Variants in GRIA2 observed in about 807,000 individuals in gnomAD.
The protein encoded by GRIA2 is glutamate receptor 2.
GRIA2 carries 14 observed loss-of-function variants against 97.3 expected under a neutral mutation model. The observed-to-expected ratio is 0.14, with a 90% CI of 0.10 to 0.23. The LOEUF is 0.23. GRIA2 is among the 10% of genes least tolerant of loss of function. The pLI is 1.00. For synonymous variants in GRIA2, 412 were observed against 387.8 expected, an observed-to-expected ratio of 1.06 and a Z score of -0.73; for missense variants, 558 against 1,069.8, an observed-to-expected ratio of 0.52 and a Z score of 6.67.
At chr4:157,279,189 AC>A (rs965058605) in intron 2 of GRIA2, among the ~76,000 whole-genome samples, 134 of 152,284 alleles carry the variant, frequency 8.8e-4, no homozygotes, top group African/African-American at 3.2e-3. Context: ...AATTGCCAAA[AC>A]TTGGAAACAA....
At chr4:157,291,337 T>TTA (rs1329411994) in intron 2 of GRIA2, among the ~76,000 whole-genome samples, 2 of 151,996 alleles carry the variant, frequency 1.3e-5, no homozygotes, top group African/African-American at 4.8e-5. Flanking sequence ...TTATTTGCCT[T>TTA]GTTGCAGCTA....
At chr4:157,302,460 T>A (rs988050141) in intron 2 of GRIA2, among the ~76,000 whole-genome samples, 2 of 152,176 alleles carry the variant, frequency 1.3e-5, no homozygotes, top group Non-Finnish European at 1.5e-5. Flanking sequence ...AGAGCATGGA[T>A]TCTGAATCCA....
chr4:157,327,433 C>A (rs1734852498), intron 6 of GRIA2, among the ~76,000 whole-genome samples: 1 of 152,034 alleles, frequency 6.6e-6, no homozygotes, highest in Admixed American at 6.6e-5. Flanking sequence ...GTTATCTGAC[C>A]TGACCCATCA....
Position 157,365,089 on chromosome 4 carries a change from T to G in GRIA2, c.*1658T>G, listed in dbSNP as rs951713994. On this transcript the variant is annotated 3_prime_UTR_variant, in exon 16 of 16. Transcript: ENST00000264426. ...TGTTATTTCTGGAAGAAAGCCTTTG[T>G]GTAGCACTTGGTATTTTGCAAAGTG... is the stretch of plus-strand genomic sequence containing the variant. 1 of 151,752 alleles carries G rather than the reference T, an allele frequency of 6.6e-6. No homozygotes were observed. The highest frequency in any genetic ancestry group is 2.4e-5 in the African/African-American group (1 of 41,428). The allele number at this position is 151,752 out of a possible 1,614,324, so 9.4% of individuals were successfully genotyped here.
chr4:157,290,049 A>G (rs1733023656), intron 2 of GRIA2, among the ~76,000 whole-genome samples: 1 of 151,848 alleles, frequency 6.6e-6, no homozygotes, highest in African/African-American at 2.4e-5. Flanking sequence ...TATAGATGTA[A>G]GACCTTACAT....
At chr4:157,273,630 G>C (rs1275605262) in intron 2 of GRIA2, among the ~76,000 whole-genome samples, 2 of 151,918 alleles carry the variant, frequency 1.3e-5, no homozygotes, top group African/African-American at 2.4e-5. Context: ...GAATGACTGA[G>C]GAAAGAATAT....
chr4:157,328,312 G>A (rs567287540), intron 6 of GRIA2, among the ~76,000 whole-genome samples: 19 of 152,032 alleles, frequency 1.2e-4, no homozygotes, highest in Non-Finnish European at 1.8e-4. Flanking sequence ...GCTAACTTAA[G>A]CCCTCAATAA....
At chr4:157,316,161 CA>C (rs1485470544) in intron 4 of GRIA2, among the ~76,000 whole-genome samples, 5 of 152,044 alleles carry the variant, frequency 3.3e-5, no homozygotes, top group African/African-American at 1.2e-4. Context: ...GTACAGTAAG[CA>C]GAGCTAACAG....
intron 2 of GRIA2, among the ~76,000 whole-genome samples, chr4:157,295,407 C>G (rs1733300995): frequency 6.6e-6 from 1 of 152,014 alleles, no homozygotes; most frequent in Non-Finnish European, 1.5e-5. Context: ...ATCATTGAGG[C>G]AATTTATGGA....
chr4:157,341,991 A>T (rs1420444292), intron 12 of GRIA2: 7 of 230,164 alleles, frequency 3.0e-5, no homozygotes, highest in Non-Finnish European at 3.6e-5. Context: ...TATGTAGTAT[A>T]TTTATACTGT....
At chr4:157,335,641 A>T (rs1271290813) in intron 9 of GRIA2, 30 bp from the exon 10 acceptor site, 1 of 1,306,676 alleles carries the variant, frequency 7.7e-7, no homozygotes, top group Non-Finnish European at 1.1e-6. Context: ...CAGATATTTT[A>T]ATCAGCTAAA....
rs1376104326 is a variant in GRIA2, at chr4:157,364,471, A to G, written c.*1040A>G. ...GAATATCTTTTTGACATGTCTAAAT[A>G]TATATATATATAAAGAAATATTTGT... On this transcript the variant is annotated 3_prime_UTR_variant, in exon 16 of 16. Coordinates refer to ENST00000264426, the MANE Select transcript of GRIA2 (RefSeq NM_001083619.3). 1 of 150,800 alleles carries G rather than the reference A, an allele frequency of 6.6e-6. No homozygotes were observed. Among genetic ancestry groups the G allele is most frequent in the Non-Finnish European group, 1.5e-5 (1 of 67,610 alleles). 9.3% of individuals were successfully genotyped at this position (150,800 alleles called of 1,614,324 possible).
Position 157,223,227 on chromosome 4 carries a change from GA to G in GRIA2, c.229+1421del, listed in dbSNP as rs1729588270. Among the ~76,000 whole-genome samples the G allele has an allele frequency of 2.6e-5, 4 of 152,224 alleles. No individual in the cohort carries two copies. In the South Asian group the frequency reaches 8.3e-4, roughly 32 times the overall value. ...CAACTCTTGCAACTACTGTCACCCG[GA>G]CGAATGAAGAAACAATTTTCTTAGA... On this transcript the variant is annotated intron_variant, in intron 2 of 15. Transcript: ENST00000264426.
chr4:157,305,461 A>G lies in GRIA2; in HGVS notation c.469+1670A>G, dbSNP rs537559414. 9.2e-5 allele frequency among the ~76,000 whole-genome samples: 14 copies of G among 152,294 alleles called. No individual in the cohort carries two copies. The South Asian group carries it at 1.9e-3, about 20-fold the overall frequency. ...GGACTGCATTACTCTCTTGTTTAAA[A>G]TACTTCAATAGCTTCTCATTATGAT... is the stretch of plus-strand genomic sequence containing the variant. On this transcript the variant is annotated intron_variant, in intron 3 of 15. Coordinates refer to ENST00000264426, the MANE Select transcript of GRIA2 (RefSeq NM_001083619.3).
chr4:157,348,627 G>A (rs980873316), intron 12 of GRIA2, among the ~76,000 whole-genome samples: 17 of 152,184 alleles, frequency 1.1e-4, no homozygotes, highest in East Asian at 1.9e-4. Context: ...CTATTTCATC[G>A]TGTCTTTAAA....
chr4:157,222,671 C>T (rs113355100), intron 2 of GRIA2, among the ~76,000 whole-genome samples: 113 of 152,284 alleles, frequency 7.4e-4, no homozygotes, highest in African/African-American at 2.6e-3. Flanking sequence ...GGGATCTGGC[C>T]GAGTTTGAAA....
In GRIA2 at chr4:157,315,527, GTTTGTTTTGT is replaced by G. The variant is rs140239463; in HGVS notation, c.667-2107_667-2098del. On this transcript the variant is annotated intron_variant, in intron 4 of 15. Coordinates refer to ENST00000264426, the MANE Select transcript of GRIA2 (RefSeq NM_001083619.3). The stretch of plus-strand genomic sequence containing the variant: ...GCTATGGGTTTTTTTTTGTTTGTTT[GTTTGTTTTGT>G]TTTGTTTTGTTTTGTTTTGTTTTTG... Among the ~76,000 whole-genome samples the G allele has an allele frequency of 1.7e-4, 26 of 150,112 alleles. 1 individual carries two copies. In the Middle Eastern group the frequency reaches 0.01, roughly 60 times the overall value.
intron 2 of GRIA2, among the ~76,000 whole-genome samples, chr4:157,283,939 G>A (rs988696040): frequency 3.3e-5 from 5 of 151,872 alleles, no homozygotes; most frequent in Non-Finnish European, 5.9e-5. Context: ...TTAATGACCT[G>A]CTTTTTGAGA....
At chr4:157,252,758 T>C (rs570734386) in intron 2 of GRIA2, among the ~76,000 whole-genome samples, 1 of 152,176 alleles carries the variant, frequency 6.6e-6, no homozygotes, top group South Asian at 2.1e-4. Flanking sequence ...TTTATATGGG[T>C]TTAGAAATTC....
Sources: allele counts gnomAD v4.1 joint callset (sites outside exome capture counted in the v4.1 genomes callset), GRCh38; gene constraint gnomAD v4.1.1; transcripts MANE v1.5; gene names NCBI Gene and HGNC (gene_info 2026-07-23, HGNC 2026-07-21).